STX8: variants seen among roughly 807,000 people sequenced by gnomAD.
STX8 encodes syntaxin 8.
Under a neutral mutation model 37.5 loss-of-function variants are expected in STX8, and 23 were observed. The observed-to-expected ratio is 0.61, with a 90% CI of 0.44 to 0.87. The LOEUF is 0.87. STX8 is among the 40% of genes least tolerant of loss of function. The pLI is 0.00. For missense variants in STX8, 313 were observed against 284.7 expected, an observed-to-expected ratio of 1.10 and a Z score of -0.71; for synonymous variants, 115 against 99.1, an observed-to-expected ratio of 1.16 and a Z score of -0.95.
At chr17:9,524,077 T>C (rs1463501840) in intron 4 of STX8, among the ~76,000 whole-genome samples, 1 of 152,232 alleles carries the variant, frequency 6.6e-6, no homozygotes, top group Non-Finnish European at 1.5e-5. Flanking sequence ...CCCTCTGGAA[T>C]GTGTAAGCTC....
intron 6 of STX8, among the ~76,000 whole-genome samples, chr17:9,435,917 GTAT>G (rs1409598931): frequency 3.9e-5 from 6 of 151,968 alleles, no homozygotes; most frequent in Admixed American, 6.6e-5. Flanking sequence ...CAAAAGAGTG[GTAT>G]ATGGAGGGAT....
intron 6 of STX8, among the ~76,000 whole-genome samples, chr17:9,457,244 T>C (rs781339532): frequency 6.6e-6 from 1 of 152,218 alleles, no homozygotes; most frequent in Non-Finnish European, 1.5e-5. Flanking sequence ...ATGTCTGACG[T>C]AGGTCTCCGT....
At chr17:9,399,185 T>C (rs1912515444) in intron 6 of STX8, among the ~76,000 whole-genome samples, 1 of 152,054 alleles carries the variant, frequency 6.6e-6, no homozygotes, top group Non-Finnish European at 1.5e-5. Flanking sequence ...ACTATATATA[T>C]ATCCACATGA....
intron 6 of STX8, among the ~76,000 whole-genome samples, chr17:9,392,605 T>C (rs1912263427): frequency 6.6e-6 from 1 of 152,074 alleles, no homozygotes; most frequent in Non-Finnish European, 1.5e-5. Flanking sequence ...AGACCCTGTT[T>C]CAAAAATACA....
chr17:9,548,271 A>G (rs2142576274), intron 3 of STX8, among the ~76,000 whole-genome samples: 1 of 151,088 alleles, frequency 6.6e-6, no homozygotes, highest in South Asian at 2.1e-4. Flanking sequence ...TGCCCAGCTA[A>G]TTTTTGTGTT....
intron 7 of STX8, among the ~76,000 whole-genome samples, chr17:9,272,761 C>T (rs1223376827): frequency 6.6e-6 from 1 of 152,186 alleles, no homozygotes; most frequent in East Asian, 1.9e-4. Flanking sequence ...AACACTTCTG[C>T]ATTCTTGATA....
At chr17:9,376,156 G>C (rs762911085) in intron 7 of STX8, among the ~76,000 whole-genome samples, 1 of 152,194 alleles carries the variant, frequency 6.6e-6, no homozygotes, top group Non-Finnish European at 1.5e-5. Context: ...GTGGGGACTT[G>C]GAGAACTTTT....
chr17:9,425,015 G>T (rs1436773180), intron 6 of STX8, among the ~76,000 whole-genome samples: 1 of 152,206 alleles, frequency 6.6e-6, no homozygotes. Flanking sequence ...CTCAGGAAAA[G>T]ATTCATGAAT....
chr17:9,545,889 C>A (rs758708086), intron 3 of STX8, among the ~76,000 whole-genome samples: 1 of 152,068 alleles, frequency 6.6e-6, no homozygotes, highest in Non-Finnish European at 1.5e-5. Flanking sequence ...GCCCCAGTGA[C>A]CAAATTTAAA....
intron 6 of STX8, among the ~76,000 whole-genome samples, chr17:9,489,612 C>T (rs1168323050): frequency 1.3e-5 from 2 of 151,942 alleles, no homozygotes; most frequent in African/African-American, 4.8e-5. Context: ...CTAGTCTCAC[C>T]CATCGAATAG....
At chr17:9,325,955 T>G (rs1001864981) in intron 7 of STX8, among the ~76,000 whole-genome samples, 2 of 152,088 alleles carry the variant, frequency 1.3e-5, no homozygotes, top group African/African-American at 4.8e-5. Context: ...TCTAGGGACA[T>G]AAATGGCAGC....
intron 3 of STX8, among the ~76,000 whole-genome samples, chr17:9,545,625 G>C (rs1381183272): frequency 1.3e-5 from 2 of 152,214 alleles, no homozygotes; most frequent in African/African-American, 4.8e-5. Flanking sequence ...CTGTCGCCCA[G>C]GCTGGAGTGC....
chr17:9,433,539 G>A (rs1914047754), intron 6 of STX8, among the ~76,000 whole-genome samples: 1 of 152,160 alleles, frequency 6.6e-6, no homozygotes, highest in Non-Finnish European at 1.5e-5. Flanking sequence ...CTCCTCCATA[G>A]ATTGTGATGA....
intron 5 of STX8, among the ~76,000 whole-genome samples, chr17:9,504,802 G>C (rs561326164): frequency 2.0e-5 from 3 of 151,548 alleles, no homozygotes; most frequent in Non-Finnish European, 4.4e-5. Context: ...GTGAAACCCT[G>C]TCTGTACTAA....
intron 7 of STX8, among the ~76,000 whole-genome samples, chr17:9,265,244 C>A (rs1450014451): frequency 3.9e-5 from 6 of 151,988 alleles, no homozygotes; most frequent in Admixed American, 3.9e-4. Flanking sequence ...CCTAAAGAGT[C>A]AAAGTGAATA....
chr17:9,254,391 G>A (rs1442599305), intron 7 of STX8, among the ~76,000 whole-genome samples: 4 of 151,936 alleles, frequency 2.6e-5, no homozygotes, highest in African/African-American at 4.8e-5. Context: ...AGTTTCCATG[G>A]TAACTCTTAT....
At chr17:9,276,901 G>T (rs1472087149) in intron 7 of STX8, among the ~76,000 whole-genome samples, 1 of 151,498 alleles carries the variant, frequency 6.6e-6, no homozygotes, top group East Asian at 2.0e-4. Context: ...CTCCCAAAGT[G>T]CTGGGATTAC....
intron 6 of STX8, among the ~76,000 whole-genome samples, chr17:9,468,927 T>A (rs1373931424): frequency 1.3e-5 from 2 of 152,148 alleles, no homozygotes; most frequent in Non-Finnish European, 2.9e-5. Context: ...GTGCTCCTCA[T>A]ACGCATCCCG....
chr17:9,290,354 G>A (rs1373264663), intron 7 of STX8, among the ~76,000 whole-genome samples: 1 of 152,158 alleles, frequency 6.6e-6, no homozygotes, highest in Non-Finnish European at 1.5e-5. Flanking sequence ...CAGGATGGGG[G>A]TGAGTGCCAC....
Sources: gnomAD v4.1 joint callset for allele counts (sites outside exome capture counted in the v4.1 genomes callset) on GRCh38, gnomAD v4.1.1 for gene constraint, MANE v1.5 for transcripts, NCBI Gene and HGNC (gene_info 2026-07-23, HGNC 2026-07-21) for gene names.